The following ATRNL1 variants were observed in gnomAD, a reference collection of about 807,000 sequenced individuals.
ATRNL1 encodes the protein attractin-like protein 1.
In ATRNL1, 95 loss-of-function variants were observed where a neutral mutation model predicts 182.7. The ratio of observed to expected loss-of-function variants is 0.52; its 90% CI spans 0.44 to 0.62. The LOEUF is 0.62. Ranked by LOEUF, ATRNL1 falls within the 20% of genes least tolerant of loss-of-function variation. The pLI, the probability that ATRNL1 is intolerant of heterozygous loss-of-function variation, is 0.00. For synonymous variants in ATRNL1, 576 were observed against 568.3 expected, an observed-to-expected ratio of 1.01 and a Z score of -0.19; for missense variants, 1,471 against 1,679.5, an observed-to-expected ratio of 0.88 and a Z score of 2.17.
At chr10:115,169,165 C>G (rs977641348) in intron 7 of ATRNL1, among the ~76,000 whole-genome samples, 1 of 142,422 alleles carries the variant, frequency 7.0e-6, no homozygotes, top group Non-Finnish European at 1.5e-5. Context: ...ACTCTCAGTT[C>G]TATTCCATTG....
intron 27 of ATRNL1, among the ~76,000 whole-genome samples, chr10:115,763,697 A>T (rs1282791369): frequency 6.6e-6 from 1 of 152,142 alleles, no homozygotes; most frequent in Non-Finnish European, 1.5e-5. Flanking sequence ...TGTATTTAGA[A>T]AGATATCTGT....
intron 28 of ATRNL1, among the ~76,000 whole-genome samples, chr10:115,893,003 G>A (rs1565466287): frequency 1.3e-5 from 2 of 152,108 alleles, no homozygotes; most frequent in Non-Finnish European, 2.9e-5. Flanking sequence ...ATATGTCATG[G>A]AAACCTAGGG....
intron 27 of ATRNL1, among the ~76,000 whole-genome samples, chr10:115,794,912 C>G (rs1949614575): frequency 6.6e-6 from 1 of 152,114 alleles, no homozygotes; most frequent in Admixed American, 6.6e-5. Flanking sequence ...CTATTTTATT[C>G]ACTGAATAAT....
intron 20 of ATRNL1, among the ~76,000 whole-genome samples, chr10:115,416,724 T>TTGAA (rs1554960926): frequency 6.6e-6 from 1 of 152,202 alleles, no homozygotes; most frequent in Non-Finnish European, 1.5e-5. Context: ...TTATACTGTG[T>TTGAA]TGAAGGTAAA....
Position 115,853,513 on chromosome 10 carries a change from A to G in ATRNL1, c.4018+5522A>G, listed in dbSNP as rs558314211. On this transcript the variant is annotated intron_variant, in intron 28 of 28. Transcript: ENST00000355044. ...ACACAGTTTTTTAAAGCAAATTTCC[A>G]GTTTCTAGCAGCCTCTGAAATTTCT... Among the ~76,000 whole-genome samples the G allele has an allele frequency of 8.5e-4, 129 of 152,254 alleles. 1 individual carries two copies. The highest frequency in any genetic ancestry group is 3.0e-3 in the African/African-American group (126 of 41,562).
chr10:115,692,903 A>G (rs191790741), intron 26 of ATRNL1, among the ~76,000 whole-genome samples: 153 of 152,170 alleles, frequency 1.0e-3, no homozygotes, highest in Non-Finnish European at 8.2e-4. Context: ...TGAGTAAAGG[A>G]GAGTCCTTGT....
chr10:115,457,121 G>A (rs930291723), intron 21 of ATRNL1, among the ~76,000 whole-genome samples: 10 of 152,066 alleles, frequency 6.6e-5, no homozygotes, highest in Non-Finnish European at 8.8e-5. Context: ...AATAAGGTAC[G>A]TGGACACCGG....
chr10:115,426,808 C>T (rs1554963008), intron 21 of ATRNL1, among the ~76,000 whole-genome samples: 2 of 152,070 alleles, frequency 1.3e-5, no homozygotes, highest in African/African-American at 4.8e-5. Context: ...CACTGCAACC[C>T]CTGCCTCCCA....
intron 27 of ATRNL1, among the ~76,000 whole-genome samples, chr10:115,821,450 T>C (rs1189996969): frequency 6.6e-6 from 1 of 152,080 alleles, no homozygotes; most frequent in Non-Finnish European, 1.5e-5. Flanking sequence ...TAACCTTAAG[T>C]GTAAACGGGC....
At chr10:115,622,751 C>A (rs986131327) in intron 26 of ATRNL1, among the ~76,000 whole-genome samples, 2 of 152,056 alleles carry the variant, frequency 1.3e-5, no homozygotes, top group Non-Finnish European at 2.9e-5. Flanking sequence ...CACGGTGAAA[C>A]CCCGTCTCTA....
chr10:115,120,642 A>T (rs956808155), intron 2 of ATRNL1, among the ~76,000 whole-genome samples: 15 of 152,150 alleles, frequency 9.9e-5, no homozygotes, highest in African/African-American at 3.4e-4. Context: ...TTTTAAAAGA[A>T]CATTTTGTAG....
chr10:115,904,740 C>T (rs1322590506), intron 28 of ATRNL1, among the ~76,000 whole-genome samples: 2 of 152,182 alleles, frequency 1.3e-5, no homozygotes, highest in Non-Finnish European at 2.9e-5. Context: ...AATACAAACT[C>T]CCTACCATTT....
In ATRNL1 at chr10:115,574,124, C is replaced by T. The variant is rs189782360; in HGVS notation, c.3795+24588C>T. ...TTACTTACGATAAAAAGCAAACTAG[C>T]AAACTACAGCTGCAGTTTTATATGT... is the stretch of plus-strand genomic sequence containing the variant. On this transcript the variant is annotated intron_variant, in intron 26 of 28. Transcript: ENST00000355044. Among the ~76,000 whole-genome samples, 141 of 151,848 alleles carry T rather than the reference C, an allele frequency of 9.3e-4. 1 individual carries two copies. Among genetic ancestry groups the T allele is most frequent in the Admixed American group, 7.9e-3 (120 of 15,234 alleles).
intron 24 of ATRNL1, among the ~76,000 whole-genome samples, chr10:115,484,250 T>G (rs1848912385): frequency 1.3e-5 from 2 of 151,602 alleles, no homozygotes; most frequent in African/African-American, 2.4e-5. Context: ...AATATTATGT[T>G]TTTTCATTTT....
At chr10:115,222,633 C>A (rs536535721) in intron 9 of ATRNL1, among the ~76,000 whole-genome samples, 3 of 152,168 alleles carry the variant, frequency 2.0e-5, no homozygotes, top group African/African-American at 7.2e-5. Context: ...GAAATGGGAT[C>A]CAGAATACAT....
At chr10:115,302,285 C>T (rs1853511054) in intron 17 of ATRNL1, among the ~76,000 whole-genome samples, 3 of 152,152 alleles carry the variant, frequency 2.0e-5, no homozygotes, top group Admixed American at 2.0e-4. Context: ...CCTCTTTTCC[C>T]TGAACTGTGT....
At chr10:115,254,769 G>A (rs1554906308) in intron 10 of ATRNL1, among the ~76,000 whole-genome samples, 1 of 152,210 alleles carries the variant, frequency 6.6e-6, no homozygotes, top group South Asian at 2.1e-4. Flanking sequence ...ATGGTTTTAG[G>A]TCTAACATTT....
At chr10:115,537,998 A>G (rs76633487) in intron 25 of ATRNL1, among the ~76,000 whole-genome samples, 2,969 of 152,244 alleles carry the variant, frequency 0.02, 65 homozygotes, top group East Asian at 0.12. Context: ...TACTGCATTT[A>G]AGATTCATCC....
chr10:115,626,985 A>G (rs781986399), intron 26 of ATRNL1, among the ~76,000 whole-genome samples: 2 of 152,224 alleles, frequency 1.3e-5, no homozygotes, highest in Non-Finnish European at 2.9e-5. Flanking sequence ...ATTTGATGAT[A>G]GAAATATAAT....
Sources: gnomAD v4.1 joint callset for allele counts (sites outside exome capture counted in the v4.1 genomes callset) on GRCh38, gnomAD v4.1.1 for gene constraint, MANE v1.5 for transcripts, NCBI Gene and HGNC (gene_info 2026-07-23, HGNC 2026-07-21) for gene names.